ANO2: variants seen among roughly 807,000 people sequenced by gnomAD.
The protein encoded by ANO2 is anoctamin 2, also known as anoctamin-2.
In ANO2, 101 loss-of-function variants were observed where a neutral mutation model predicts 124.2. The observed-to-expected ratio is 0.81, with a 90% CI of 0.69 to 0.96. The LOEUF is 0.96. Among genes scored for constraint, ANO2 ranks in the 40% least tolerant of loss-of-function variants. ANO2 has a pLI of 0.00. For missense variants in ANO2, 1,293 were observed against 1,274.5 expected, an observed-to-expected ratio of 1.01 and a Z score of -0.22; for synonymous variants, 486 against 482.5, an observed-to-expected ratio of 1.01 and a Z score of -0.09.
intron 4 of ANO2, among the ~76,000 whole-genome samples, chr12:5,842,326 G>A (rs568603036): frequency 8.5e-5 from 13 of 152,262 alleles, no homozygotes; most frequent in South Asian, 4.1e-4. Context: ...TCATTGGATG[G>A]TCGGAGGGGT....
intron 24 of ANO2, 22 bp from the exon 25 acceptor site, chr12:5,563,590 G>C (rs1012459294): frequency 1.2e-6 from 2 of 1,612,100 alleles, no homozygotes; most frequent in Non-Finnish European, 1.7e-6. Context: ...CAAGGAGAGA[G>C]GGGCTGAGTT....
In ANO2 at chr12:5,563,189, T is replaced by C. The variant is rs952133703; in HGVS notation, c.*110A>G. 7.1e-7 allele frequency: 1 copy of C among 1,416,498 alleles called. No individual in the cohort carries two copies. Among genetic ancestry groups the C allele is most frequent in the Non-Finnish European group, 9.4e-7 (1 of 1,067,250 alleles). 87.7% of individuals were successfully genotyped at this position (1,416,498 alleles called of 1,614,324 possible). On this transcript the variant is annotated 3_prime_UTR_variant, in exon 25 of 25. Transcript: ENST00000682330. Reference sequence around the variant, plus strand: ...ACACTGCCCCCTCTTCAAGACCCCATCAAGCCAGGCCCCTGCAGACAGACA... The same window carrying C: ...ACACTGCCCCCTCTTCAAGACCCCACCAAGCCAGGCCCCTGCAGACAGACA...
Position 5,672,050 on chromosome 12 carries a change from G to C in ANO2, c.1546-24249C>G, listed in dbSNP as rs578049125. ...GATCCCTAGGTTCTCGCTGAGGACTGGAAGGGACAGCCTAAAGGTTTCATC... is the reference window on the plus strand; with the variant it reads ...GATCCCTAGGTTCTCGCTGAGGACTCGAAGGGACAGCCTAAAGGTTTCATC... On this transcript the variant is annotated intron_variant, in intron 14 of 24. Transcript: ENST00000682330. 3.7e-3 allele frequency among the ~76,000 whole-genome samples: 562 copies of C among 152,294 alleles called. 4 individuals carry two copies. The highest frequency in any genetic ancestry group is 0.012 in the African/African-American group (510 of 41,562).
chr12:5,945,883 T>C (rs1263756123), upstream of ANO2, among the ~76,000 whole-genome samples: 5 of 152,142 alleles, frequency 3.3e-5, no homozygotes, highest in South Asian at 1.0e-3. Context: ...ACAAGAGCTC[T>C]CCCATGAGAC....
intron 24 of ANO2, among the ~76,000 whole-genome samples, chr12:5,563,973 T>C (rs1941602306): frequency 6.6e-6 from 1 of 152,172 alleles, no homozygotes; most frequent in African/African-American, 2.4e-5. Flanking sequence ...AAAGTGGCTT[T>C]CTAGCAAGTG....
chr12:5,615,369 T>C (rs1944753155), intron 16 of ANO2, 72 bp from the exon 17 acceptor site: 10 of 1,129,638 alleles, frequency 8.9e-6, no homozygotes, highest in Non-Finnish European at 1.3e-5. Flanking sequence ...GACCTAGACA[T>C]GAGCTACTAT....
At chr12:5,774,330 G>A (rs1952167534) in intron 10 of ANO2, among the ~76,000 whole-genome samples, 1 of 152,062 alleles carries the variant, frequency 6.6e-6, no homozygotes, top group African/African-American at 2.4e-5. Flanking sequence ...AGCCAGGTGT[G>A]GTGGCATGCA....
chr12:5,851,562 G>A (rs1050288738), intron 4 of ANO2, among the ~76,000 whole-genome samples: 3 of 151,994 alleles, frequency 2.0e-5, no homozygotes, highest in Non-Finnish European at 2.9e-5. Context: ...ATGAGCACCT[G>A]TAATCCCAGC....
chr12:5,702,819 C>T (rs1350463977), intron 14 of ANO2, among the ~76,000 whole-genome samples: 2 of 152,110 alleles, frequency 1.3e-5, no homozygotes, highest in African/African-American at 4.8e-5. Flanking sequence ...AATGAAATAT[C>T]ACTTCATAAT....
At chr12:5,893,489 CTT>C (rs1175378261) in intron 3 of ANO2, among the ~76,000 whole-genome samples, 2 of 137,760 alleles carry the variant, frequency 1.5e-5, no homozygotes, top group African/African-American at 2.7e-5. Flanking sequence ...CCCTTTTTTT[CTT>C]TTTTTTTTTT....
intron 7 of ANO2, among the ~76,000 whole-genome samples, chr12:5,827,230 A>T (rs1050520264): frequency 2.0e-5 from 3 of 152,168 alleles, no homozygotes; most frequent in Non-Finnish European, 4.4e-5. Flanking sequence ...CCTAATATTT[A>T]AGAAACAAAC....
chr12:5,799,427 T>C (rs1384229165), intron 10 of ANO2, 80 bp downstream of exon 10: 2 of 1,210,896 alleles, frequency 1.7e-6, no homozygotes, highest in Non-Finnish European at 2.4e-6. Flanking sequence ...CAAAGGACTG[T>C]CAGAGTCAAA....
At chr12:5,611,855 G>A (rs1944562780) in intron 19 of ANO2, among the ~76,000 whole-genome samples, 1 of 152,074 alleles carries the variant, frequency 6.6e-6, no homozygotes, top group African/African-American at 2.4e-5. Context: ...CCTGGGCCTG[G>A]AACAAGCTGT....
chr12:5,663,338 C>T (rs915655127), intron 14 of ANO2, among the ~76,000 whole-genome samples: 6 of 152,278 alleles, frequency 3.9e-5, no homozygotes, highest in East Asian at 1.9e-4. Context: ...ATCCATTAAG[C>T]GGAGGAAATG....
At chr12:5,660,133 A>G (rs924291641) in intron 14 of ANO2, among the ~76,000 whole-genome samples, 3 of 152,192 alleles carry the variant, frequency 2.0e-5, no homozygotes, top group African/African-American at 7.2e-5. Context: ...TTATCAGGCC[A>G]TTAAATGCAT....
chr12:5,761,303 A>G (rs1951738093), intron 10 of ANO2, among the ~76,000 whole-genome samples: 1 of 152,136 alleles, frequency 6.6e-6, no homozygotes, highest in South Asian at 2.1e-4. Context: ...AGAAAGGGGG[A>G]AAAAGGCTCT....
intron 12 of ANO2, chr12:5,740,890 G>C (rs1041867433): frequency 6.6e-6 from 1 of 152,322 alleles, no homozygotes; most frequent in Non-Finnish European, 1.5e-5. Flanking sequence ...TCCCCTCACC[G>C]TCATCTCCAT....
chr12:5,728,766 T>C (rs921961751), intron 14 of ANO2, among the ~76,000 whole-genome samples: 2 of 152,156 alleles, frequency 1.3e-5, no homozygotes, highest in Non-Finnish European at 2.9e-5. Context: ...GCAGTCAAGA[T>C]AGGGTGGTAC....
At chr12:5,765,054 G>A (rs1951847111) in intron 10 of ANO2, among the ~76,000 whole-genome samples, 1 of 152,236 alleles carries the variant, frequency 6.6e-6, no homozygotes, top group Admixed American at 6.5e-5. Context: ...CAGAGAGGCA[G>A]TCCAGGAGCC....
Sources: allele counts gnomAD v4.1 joint callset (sites outside exome capture counted in the v4.1 genomes callset), GRCh38; gene constraint gnomAD v4.1.1; transcripts MANE v1.5; gene names NCBI Gene and HGNC (gene_info 2026-07-23, HGNC 2026-07-21).